The following ASXL3 variants were observed in gnomAD, a reference collection of about 807,000 sequenced individuals.
ASXL3 encodes putative Polycomb group protein ASXL3.
In ASXL3, 34 loss-of-function variants were observed where a neutral mutation model predicts 170.6. The ratio of observed to expected loss-of-function variants is 0.20; its 90% CI spans 0.15 to 0.27. The LOEUF (loss-of-function observed/expected upper bound fraction) is 0.27. ASXL3 is among the 10% of genes least tolerant of loss of function. The pLI is 1.00. For missense variants in ASXL3, 2,592 were observed against 2,695.3 expected (o/e 0.96, Z 0.85); for synonymous variants, 1,002 against 989.1 (o/e 1.01, Z -0.24).
At chr18:33,676,222 CAAAAAAAAAAAA>C (rs568221465) in intron 7 of ASXL3, among the ~76,000 whole-genome samples, 1 of 41,732 alleles carries the variant, frequency 2.4e-5, no homozygotes, top group South Asian at 1.2e-3. Flanking sequence ...GACTCCGTCT[CAAAAAAAAAAAA>C]AAAAAAAAAA....
intron 5 of ASXL3, among the ~76,000 whole-genome samples, chr18:33,668,151 T>C (rs1378155137): frequency 6.6e-6 from 1 of 152,124 alleles, no homozygotes; most frequent in African/African-American, 2.4e-5. Flanking sequence ...AATTCTGAAA[T>C]TCTATAAAAT....
chr18:33,607,036 C>T (rs28633862), intron 1 of ASXL3, among the ~76,000 whole-genome samples: 29 of 151,868 alleles, frequency 1.9e-4, no homozygotes, highest in African/African-American at 7.0e-4. Flanking sequence ...GAGGAAAGGG[C>T]TTACTTGAAA....
intron 2 of ASXL3, among the ~76,000 whole-genome samples, chr18:33,630,387 T>A (rs1343885737): frequency 8.2e-6 from 1 of 122,464 alleles, no homozygotes; most frequent in Non-Finnish European, 1.8e-5. Flanking sequence ...AACCTATGGC[T>A]TTTTTTTTTC....
At chr18:33,698,245 G>T (rs536487288) in intron 8 of ASXL3, among the ~76,000 whole-genome samples, 5 of 152,242 alleles carry the variant, frequency 3.3e-5, no homozygotes, top group African/African-American at 1.2e-4. Context: ...ACACAGCAAC[G>T]TGGTGCCATT....
Position 33,748,544 on chromosome 18 carries a change from C to T in ASXL3, c.*1949C>T, listed in dbSNP as rs557015506. The T allele has an allele frequency of 1.3e-5, 2 of 152,266 alleles. No individual in the cohort carries two copies. Among genetic ancestry groups the T allele is most frequent in the Admixed American group, 1.3e-4 (2 of 15,302 alleles). The allele number at this position is 152,266 out of a possible 1,614,324, so 9.4% of individuals were successfully genotyped here. On this transcript the variant is annotated 3_prime_UTR_variant, in exon 12 of 12. Coordinates refer to ENST00000269197, the MANE Select transcript of ASXL3 (RefSeq NM_030632.3). ...GAAAGTTAGTTAGCAATGCACTTAA[C>T]CAGCCTTACCCGAGGAAAGCAGCAT...
intron 8 of ASXL3, among the ~76,000 whole-genome samples, chr18:33,708,931 ACAGT>A (rs1398897082): frequency 6.6e-6 from 1 of 152,210 alleles, no homozygotes; most frequent in African/African-American, 2.4e-5. Context: ...CAATTTTGCT[ACAGT>A]CACTCATTAA....
intron 8 of ASXL3, among the ~76,000 whole-genome samples, chr18:33,701,913 G>A (rs1318258959): frequency 6.6e-6 from 1 of 151,254 alleles, no homozygotes; most frequent in East Asian, 2.0e-4. Flanking sequence ...GTCTTCTTTA[G>A]AGTGCATAAT....
At chr18:33,685,006 G>A (rs2066571616) in intron 8 of ASXL3, among the ~76,000 whole-genome samples, 1 of 152,144 alleles carries the variant, frequency 6.6e-6, no homozygotes, top group African/African-American at 2.4e-5. Flanking sequence ...ATTGGAAGTT[G>A]ACTTTGGAAG....
chr18:33,711,156 A>G (rs2067055147), intron 8 of ASXL3, among the ~76,000 whole-genome samples: 1 of 152,226 alleles, frequency 6.6e-6, no homozygotes, highest in South Asian at 2.1e-4. Context: ...TAAATAACCA[A>G]ATTACATCTT....
chr18:33,580,061 G>A (rs1364923610), intron 1 of ASXL3, among the ~76,000 whole-genome samples: 1 of 152,178 alleles, frequency 6.6e-6, no homozygotes, highest in Non-Finnish European at 1.5e-5. Context: ...CTTTTTAATT[G>A]CAATCTAGTT....
chr18:33,672,236 T>C (rs2066354607), intron 7 of ASXL3, among the ~76,000 whole-genome samples: 1 of 152,166 alleles, frequency 6.6e-6, no homozygotes, highest in African/African-American at 2.4e-5. Context: ...ATGCAGTCTT[T>C]ATAAAGGGTT....
intron 1 of ASXL3, among the ~76,000 whole-genome samples, chr18:33,602,527 T>C (rs1258152275): frequency 6.6e-6 from 1 of 152,120 alleles, no homozygotes; most frequent in Non-Finnish European, 1.5e-5. Context: ...CATGGACCTT[T>C]GAGGTTTTCA....
intron 8 of ASXL3, among the ~76,000 whole-genome samples, chr18:33,727,075 C>T (rs1482827824): frequency 6.6e-6 from 1 of 152,138 alleles, no homozygotes; most frequent in Admixed American, 6.6e-5. Context: ...CCGCAATCAT[C>T]TTCCCCGCAC....
intron 8 of ASXL3, among the ~76,000 whole-genome samples, chr18:33,706,467 A>G (rs963593706): frequency 6.6e-6 from 1 of 151,838 alleles, no homozygotes; most frequent in African/African-American, 2.4e-5. Context: ...ACACCAGTTC[A>G]TATTGCCACC....
At position 33,743,389 on chromosome 18, in the gene ASXL3, G is replaced by C. The variant is rs1376320937; in HGVS notation, c.3541G>C (p.Val1181Leu). 1.2e-6 allele frequency: 2 copies of C among 1,613,296 alleles called. No homozygotes were observed. Among genetic ancestry groups the C allele is most frequent in the Admixed American group, 3.3e-5 (2 of 60,024 alleles). ...TGCCCACCTCCGGGAGACCACCACT[G>C]TACTACAGCAGTCTCTTAACCCAAG... The part of the protein sequence containing the change: ...KSAHLRETTT[V>L]LQQSLNPSKL... The change falls in exon 12 of 12, where the codon GTA (valine) becomes CTA (leucine). Residue 1181 changes from valine (V) to leucine (L), a missense_variant. By Grantham distance (32) the Val-to-Leu change is conservative. Around this residue, in one of 4 missense-constraint regions of ASXL3, gnomAD observed 2,246 missense variants for 2,219.6 expected, o/e 1.01. Transcript: ENST00000269197.
chr18:33,644,953 A>G lies in ASXL3; in HGVS notation c.197A>G (p.Asp66Gly). Residue 66 changes from aspartate (D) to glycine (G), a missense_variant, in exon 3 of 12, where the codon GAT (aspartate) becomes GGT (glycine). By Grantham distance (94) the Asp-to-Gly change is moderately conservative (BLOSUM62 -1). Around this residue, in one of 4 missense-constraint regions of ASXL3, gnomAD observed 251 missense variants for 281.9 expected, o/e 0.89. Transcript: ENST00000269197. ...AMLHTNTRIGDGTFFKIPGKS... is the reference protein window; with the variant it reads ...AMLHTNTRIGGGTFFKIPGKS... ...CTTCACACTAACACTCGAATAGGGG[A>G]TGGAACATTCTTCAAAATCCCTGGA... 1 of 1,583,180 alleles carries G rather than the reference A, an allele frequency of 6.3e-7. No individual in the cohort carries two copies. The highest frequency in any genetic ancestry group is 8.6e-7 in the Non-Finnish European group (1 of 1,163,042).
chr18:33,683,657 G>T (rs1348788381), intron 8 of ASXL3, 89 bp downstream of exon 8: 19 of 1,261,536 alleles, frequency 1.5e-5, no homozygotes, highest in East Asian at 2.5e-5. Context: ...CTTATATATG[G>T]ATATAGTAAT....
At chr18:33,646,461 C>G (rs1360264981) in intron 4 of ASXL3, 108 bp downstream of exon 4, 9 of 761,348 alleles carry the variant, frequency 1.2e-5, no homozygotes, top group Middle Eastern at 2.8e-4. Context: ...CAGTTTTCTT[C>G]TAAATTTTTA....
At chr18:33,694,591 A>G (rs1402484179) in intron 8 of ASXL3, among the ~76,000 whole-genome samples, 3 of 151,930 alleles carry the variant, frequency 2.0e-5, no homozygotes, top group African/African-American at 7.3e-5. Flanking sequence ...CTGCTTCTAA[A>G]TAAGTTGTGC....
Sources: allele counts gnomAD v4.1 joint callset (sites outside exome capture counted in the v4.1 genomes callset), GRCh38; gene constraint gnomAD v4.1.1; regional missense constraint gnomAD v4.1.1; transcripts MANE v1.5; gene names NCBI Gene and HGNC (gene_info 2026-07-23, HGNC 2026-07-21).